The following ARHGAP10 variants were observed in gnomAD, a reference collection of about 807,000 sequenced individuals.
ARHGAP10 encodes Rho GTPase activating protein 10, also known as rho GTPase-activating protein 10.
Under a neutral mutation model 108.6 loss-of-function variants are expected in ARHGAP10, and 87 were observed. That is an observed-to-expected ratio of 0.80 (90% CI 0.67 to 0.96). The LOEUF (loss-of-function observed/expected upper bound fraction) is 0.96. ARHGAP10 is among the 40% of genes least tolerant of loss of function. The pLI is 0.00. For missense variants in ARHGAP10, 939 were observed against 954.5 expected (o/e 0.98, Z 0.21); for synonymous variants, 347 against 341.1 (o/e 1.02, Z -0.19).
At chr4:147,872,045 T>G (rs1227104198) in intron 7 of ARHGAP10, among the ~76,000 whole-genome samples, 3 of 141,728 alleles carry the variant, frequency 2.1e-5, no homozygotes, top group African/African-American at 8.2e-5. Context: ...GAGGCTGCAG[T>G]GAACTGGGAT....
At chr4:148,048,388 G>C (rs1029927981) in intron 20 of ARHGAP10, among the ~76,000 whole-genome samples, 1 of 152,198 alleles carries the variant, frequency 6.6e-6, no homozygotes, top group Non-Finnish European at 1.5e-5. Context: ...GAGACTCCAA[G>C]TATGGAAACA....
intron 16 of ARHGAP10, 138 bp downstream of exon 16, chr4:147,955,512 C>A: frequency 1.4e-6 from 1 of 698,842 alleles, no homozygotes; most frequent in Non-Finnish European, 2.5e-6. Context: ...ATGTTTGGTG[C>A]CTCCCCTCAT....
chr4:147,914,461 G>A (rs1736877846), intron 13 of ARHGAP10, among the ~76,000 whole-genome samples: 1 of 151,786 alleles, frequency 6.6e-6, no homozygotes, highest in South Asian at 2.1e-4. Context: ...GGGCTCAAGT[G>A]ATCCTCCTGC....
intron 19 of ARHGAP10, among the ~76,000 whole-genome samples, chr4:148,026,467 A>T (rs1163865468): frequency 3.3e-5 from 5 of 152,156 alleles, no homozygotes. Context: ...GAGTGTCTTT[A>T]CTTTAGTAAA....
Position 148,049,833 on chromosome 4 carries a change from GGGGGGGCGGGGGGC to G in ARHGAP10, c.2027+2796_2027+2809del, listed in dbSNP as rs1185275241. On this transcript the variant is annotated intron_variant, in intron 20 of 22. Transcript: ENST00000336498. ...GTTTGTTTGTTTGTTTTTTTTGGGT[GGGGGGGCGGGGGGC>G]GGGGGGCGGGGGGTGGTGGTGGCGG... Among the ~76,000 whole-genome samples the G allele has an allele frequency of 1.2e-3, 149 of 121,978 alleles. 2 individuals are homozygous for G. In the South Asian group the frequency reaches 0.024, roughly 19 times the overall value. 80.0% of individuals were successfully genotyped at this position (121,978 alleles called of 152,430 possible).
intron 13 of ARHGAP10, among the ~76,000 whole-genome samples, chr4:147,923,487 A>G (rs1327143615): frequency 6.6e-6 from 1 of 152,216 alleles, no homozygotes; most frequent in Non-Finnish European, 1.5e-5. Context: ...TTTGTTTATG[A>G]AGTTTCTCTT....
chr4:147,873,250 G>A (rs1734914479), intron 7 of ARHGAP10, among the ~76,000 whole-genome samples: 1 of 152,118 alleles, frequency 6.6e-6, no homozygotes, highest in Non-Finnish European at 1.5e-5. Context: ...AAGAATCAAG[G>A]GGACCAGTCA....
At chr4:147,918,164 C>A (rs1003313773) in intron 13 of ARHGAP10, among the ~76,000 whole-genome samples, 2 of 125,766 alleles carry the variant, frequency 1.6e-5, no homozygotes, top group African/African-American at 6.8e-5. Flanking sequence ...GAGACAGAGT[C>A]TTGCTCTGTG....
chr4:147,919,822 T>C (rs113326349), intron 13 of ARHGAP10, among the ~76,000 whole-genome samples: 56 of 152,202 alleles, frequency 3.7e-4, no homozygotes, highest in African/African-American at 1.3e-3. Flanking sequence ...CTTAAGTATC[T>C]ACCCTCCTCT....
At chr4:147,961,933 A>G (rs1411612274) in intron 16 of ARHGAP10, among the ~76,000 whole-genome samples, 1 of 151,826 alleles carries the variant, frequency 6.6e-6, no homozygotes, top group Non-Finnish European at 1.5e-5. Flanking sequence ...TTGACTTCAC[A>G]TCTCCCTGTA....
intron 18 of ARHGAP10, among the ~76,000 whole-genome samples, chr4:147,984,359 C>T (rs908106572): frequency 2.0e-5 from 3 of 152,200 alleles, no homozygotes; most frequent in South Asian, 2.1e-4. Flanking sequence ...CTGCCAAGTC[C>T]GCCACAGCAC....
rs753405782 is a variant in ARHGAP10, at chr4:148,047,028, C to G, written c.2004C>G (p.Ser668Arg). 2.8e-5 allele frequency: 46 copies of G among 1,614,056 alleles called. No homozygotes were observed. The East Asian group carries it at 9.8e-4, about 34-fold the overall frequency. The change falls in exon 20 of 23, where the codon AGC becomes AGG. Residue 668 changes from serine to arginine, a missense_variant. Physicochemically the swap from Ser to Arg is moderately radical, Grantham distance 110. Coordinates refer to ENST00000336498, the MANE Select transcript of ARHGAP10 (RefSeq NM_024605.4). ...DKNHLLADGG[S>R]FGDWASTIPG... ...ACCACCTTCTGGCAGATGGAGGGAGCTTTGGAGACTGGGCATCCACTATGT... is the reference window on the plus strand; with the variant it reads ...ACCACCTTCTGGCAGATGGAGGGAGGTTTGGAGACTGGGCATCCACTATGT...
At chr4:147,799,462 G>A (rs1731486499) in intron 1 of ARHGAP10, among the ~76,000 whole-genome samples, 1 of 152,088 alleles carries the variant, frequency 6.6e-6, no homozygotes, top group African/African-American at 2.4e-5. Flanking sequence ...AATGATACAA[G>A]GCTGGATGTT....
intron 3 of ARHGAP10, among the ~76,000 whole-genome samples, chr4:147,828,712 C>T (rs1056858942): frequency 2.0e-5 from 3 of 152,172 alleles, no homozygotes; most frequent in Non-Finnish European, 4.4e-5. Flanking sequence ...TGCATAGCCC[C>T]TTCCTTTCCC....
rs959670175 is a variant in ARHGAP10 at position 147,844,585 on chromosome 4, TTGTC to T, written c.313-2558_313-2555del. 1.1e-3 allele frequency among the ~76,000 whole-genome samples: 171 copies of T among 152,246 alleles called. 2 individuals carry two copies. Among genetic ancestry groups the T allele is most frequent in the Non-Finnish European group, 6.5e-4 (44 of 68,044 alleles). The stretch of plus-strand genomic sequence containing the variant: ...ACAAATAAGTGAGAACATGTGATGC[TTGTC>T]TGTCTGTGCCTGGCAATAAGTAGAA... On this transcript the variant is annotated intron_variant, in intron 3 of 22. Coordinates refer to ENST00000336498, the MANE Select transcript of ARHGAP10 (RefSeq NM_024605.4).
At chr4:147,882,600 A>C (rs1735372147) in intron 10 of ARHGAP10, among the ~76,000 whole-genome samples, 1 of 152,222 alleles carries the variant, frequency 6.6e-6, no homozygotes, top group Admixed American at 6.5e-5. Context: ...ATACAGAACA[A>C]CATTCATTTG....
intron 1 of ARHGAP10, among the ~76,000 whole-genome samples, chr4:147,772,266 C>T (rs200209180): frequency 6.6e-6 from 1 of 152,236 alleles, no homozygotes; most frequent in Non-Finnish European, 1.5e-5. Context: ...TGGACTTCAG[C>T]TCCCTCTCCC....
intron 10 of ARHGAP10, among the ~76,000 whole-genome samples, chr4:147,885,689 C>T (rs976274924): frequency 6.6e-6 from 1 of 152,206 alleles, no homozygotes; most frequent in African/African-American, 2.4e-5. Flanking sequence ...CCTTTTACTT[C>T]CATGACAGTT....
intron 19 of ARHGAP10, among the ~76,000 whole-genome samples, chr4:148,034,838 G>A (rs1215843117): frequency 6.6e-6 from 1 of 152,082 alleles, no homozygotes. Flanking sequence ...GTAGTTTTGG[G>A]TTCCCAAGAA....
Sources: gnomAD v4.1 joint callset for allele counts (sites outside exome capture counted in the v4.1 genomes callset) on GRCh38, gnomAD v4.1.1 for gene constraint, MANE v1.5 for transcripts, NCBI Gene and HGNC (gene_info 2026-07-23, HGNC 2026-07-21) for gene names.